KLHL20: variants seen among roughly 807,000 people sequenced by gnomAD.
KLHL20 encodes kelch-like protein 20.
Under a neutral mutation model 69.5 loss-of-function variants are expected in KLHL20, and 29 were observed. That is an observed-to-expected ratio of 0.42 (90% CI 0.31 to 0.57). KLHL20 has a LOEUF of 0.57. KLHL20 is among the 20% of genes least tolerant of loss of function. The pLI, the probability that KLHL20 is intolerant of heterozygous loss-of-function variation, is 0.18. For synonymous variants in KLHL20, 253 were observed against 265.2 expected, an observed-to-expected ratio of 0.95 and a Z score of 0.45; for missense variants, 419 against 776.0, an observed-to-expected ratio of 0.54 and a Z score of 5.47.
At chr1:173,782,992 C>G (rs1453129235) in intron 11 of KLHL20, among the ~76,000 whole-genome samples, 1 of 152,144 alleles carries the variant, frequency 6.6e-6, no homozygotes, top group Admixed American at 6.5e-5. Flanking sequence ...CAAGAGTAAT[C>G]TTATAGATGC....
rs141562915 is a variant in KLHL20, at chr1:173,764,330, A to T, written c.1152-1816A>T. ...AAACAGTGCAGAGATTCCTTAAAGA[A>T]CTAAAAGTAGAACTACCATTTGATC... On this transcript the variant is annotated intron_variant, in intron 7 of 11. Coordinates refer to ENST00000209884, the MANE Select transcript of KLHL20 (RefSeq NM_014458.4). 7.2e-5 allele frequency among the ~76,000 whole-genome samples: 11 copies of T among 152,328 alleles called. No homozygotes were observed. In the East Asian group the frequency reaches 2.1e-3, roughly 29 times the overall value.
intron 11 of KLHL20, among the ~76,000 whole-genome samples, chr1:173,784,212 G>A (rs918022618): frequency 1.3e-5 from 2 of 152,228 alleles, no homozygotes; most frequent in Non-Finnish European, 1.5e-5. Flanking sequence ...GGGCTAGGGA[G>A]TACAGGGAGG....
At chr1:173,769,312 G>A (rs946285865) in intron 8 of KLHL20, among the ~76,000 whole-genome samples, 4 of 152,070 alleles carry the variant, frequency 2.6e-5, no homozygotes, top group Admixed American at 2.6e-4. Context: ...CACCTGGTTG[G>A]GAACCAGCTG....
intron 7 of KLHL20, among the ~76,000 whole-genome samples, chr1:173,762,051 C>T (rs565807901): frequency 2.0e-4 from 30 of 152,150 alleles, no homozygotes; most frequent in Non-Finnish European, 3.4e-4. Flanking sequence ...TTACAACTGA[C>T]ACCACTGAAA....
chr1:173,744,886 C>T (rs915182075), intron 3 of KLHL20, among the ~76,000 whole-genome samples: 2 of 152,078 alleles, frequency 1.3e-5, no homozygotes, highest in Non-Finnish European at 2.9e-5. Context: ...GACTAGTAAA[C>T]CCCTCCCCAT....
At chr1:173,729,312 C>T (rs1467315095) in intron 2 of KLHL20, among the ~76,000 whole-genome samples, 4 of 152,170 alleles carry the variant, frequency 2.6e-5, no homozygotes, top group South Asian at 2.1e-4. Flanking sequence ...GAGCTGGTTC[C>T]GTTCCTTCTG....
chr1:173,756,857 G>T, intron 6 of KLHL20, 119 bp from the exon 7 acceptor site: 2 of 810,618 alleles, frequency 2.5e-6, no homozygotes, highest in Non-Finnish European at 3.9e-6. Context: ...CTTGCATTTT[G>T]ACCTACTACT....
At chr1:173,755,082 C>T (rs146067436) in intron 5 of KLHL20, among the ~76,000 whole-genome samples, 8,741 of 133,664 alleles carry the variant, frequency 0.065, 939 homozygotes, top group African/African-American at 0.23. Context: ...TTTTTTGAGA[C>T]GGAGTCTCGC....
In KLHL20 at chr1:173,734,148, A is replaced by G; in HGVS notation, c.459A>G (p.Ile153Met). ...CTTGCCTCCTCCAGCTGGCAGAAAT[A>G]CAGGAAGCCTGCTGTGAATTCTTAA... ...PAACLLQLAE[I>M]QEACCEFLKR... Residue 153 changes from isoleucine to methionine, a missense_variant, in exon 3 of 12, where the codon ATA (isoleucine) becomes ATG (methionine). Transcript: ENST00000209884. 3 of 1,614,218 alleles carry G rather than the reference A, an allele frequency of 1.9e-6. No individual in the cohort carries two copies. Among genetic ancestry groups the G allele is most frequent in the Non-Finnish European group, 2.5e-6 (3 of 1,180,030 alleles).
Position 173,734,016 on chromosome 1 carries a change from A to T in KLHL20, c.327A>T (p.Val109=). 1 of 1,614,194 alleles carries T rather than the reference A, an allele frequency of 6.2e-7. No individual in the cohort carries two copies. Among genetic ancestry groups the T allele is most frequent in the Non-Finnish European group, 8.5e-7 (1 of 1,180,022 alleles). ...GELAESRQTE[V]VIRDIDERAM... Reference sequence around the variant, plus strand: ...TGGCAGAGAGCCGTCAGACAGAAGTAGTGATCCGAGACATTGACGAGAGGG... The same window carrying T: ...TGGCAGAGAGCCGTCAGACAGAAGTTGTGATCCGAGACATTGACGAGAGGG... Residue 109 remains valine, a synonymous_variant, in exon 3 of 12, where the codon GTA becomes GTT. Coordinates refer to ENST00000209884, the MANE Select transcript of KLHL20 (RefSeq NM_014458.4).
chr1:173,780,704 G>A (rs1648807055), intron 10 of KLHL20, among the ~76,000 whole-genome samples: 1 of 152,076 alleles, frequency 6.6e-6, no homozygotes, highest in African/African-American at 2.4e-5. Flanking sequence ...TTGAACCTAA[G>A]AGGTGGAAGC....
chr1:173,742,663 A>ATG (rs1225797533), intron 3 of KLHL20, among the ~76,000 whole-genome samples: 4 of 151,228 alleles, frequency 2.6e-5, no homozygotes, highest in Non-Finnish European at 4.4e-5. Context: ...ATATACACGT[A>ATG]TGTGTATATA....
At chr1:173,780,226 T>C (rs935305065) in intron 10 of KLHL20, among the ~76,000 whole-genome samples, 1 of 152,212 alleles carries the variant, frequency 6.6e-6, no homozygotes, top group African/African-American at 2.4e-5. Flanking sequence ...TCGCTGTGTG[T>C]TGGGAAAGCA....
intron 2 of KLHL20, among the ~76,000 whole-genome samples, chr1:173,719,864 G>A (rs757823561): frequency 5.3e-5 from 8 of 152,126 alleles, no homozygotes; most frequent in Non-Finnish European, 1.0e-4. Context: ...GAGCTTGATT[G>A]TAGAAATTGG....
At chr1:173,777,923 C>A (rs1407663149) in intron 10 of KLHL20, among the ~76,000 whole-genome samples, 1 of 151,992 alleles carries the variant, frequency 6.6e-6, no homozygotes, top group Non-Finnish European at 1.5e-5. Context: ...ATACTAGCCT[C>A]CTAAAGTGAG....
intron 8 of KLHL20, among the ~76,000 whole-genome samples, chr1:173,772,372 A>C (rs1389984997): frequency 1.3e-5 from 2 of 152,248 alleles, no homozygotes; most frequent in African/African-American, 4.8e-5. Context: ...TTTCAGCTTT[A>C]AAAGGGATAA....
chr1:173,729,910 GAA>G (rs1672176102), intron 2 of KLHL20, among the ~76,000 whole-genome samples: 1 of 152,086 alleles, frequency 6.6e-6, no homozygotes, highest in African/African-American at 2.4e-5. Context: ...ATTCAGTTAG[GAA>G]AAGAGGAAGT....
chr1:173,769,871 AC>A (rs1647977620), intron 8 of KLHL20, among the ~76,000 whole-genome samples: 1 of 151,962 alleles, frequency 6.6e-6, no homozygotes. Context: ...CATCTCACAT[AC>A]CCCATAAATA....
Position 173,731,381 on chromosome 1 carries a change from G to A in KLHL20, c.24-2332G>A, listed in dbSNP as rs543041193. ...CCCAATACTGGGTATATACCCAAAG[G>A]ATTATAAATCATGCTGCTATAAAGA... is the stretch of plus-strand genomic sequence containing the variant. On this transcript the variant is annotated intron_variant, in intron 2 of 11. Transcript: ENST00000209884. 2.7e-3 allele frequency among the ~76,000 whole-genome samples: 405 copies of A among 152,222 alleles called. 1 individual carries two copies. The highest frequency in any genetic ancestry group is 9.9e-3 in the South Asian group (48 of 4,828).
Sources: gnomAD v4.1 joint callset for allele counts (sites outside exome capture counted in the v4.1 genomes callset) on GRCh38, gnomAD v4.1.1 for gene constraint, MANE v1.5 for transcripts, NCBI Gene and HGNC (gene_info 2026-07-23, HGNC 2026-07-21) for gene names.